The following SLC2A9 variants were observed in gnomAD, a reference collection of about 807,000 sequenced individuals.
SLC2A9 encodes the protein solute carrier family 2 member 9.
Under a neutral mutation model 50.6 loss-of-function variants are expected in SLC2A9, and 39 were observed. That is an observed-to-expected ratio of 0.77 (90% CI 0.60 to 1.01). The LOEUF (loss-of-function observed/expected upper bound fraction) is 1.01, where lower values mean the gene tolerates loss of function less well. Ranked by LOEUF, SLC2A9 falls within the 50% of genes least tolerant of loss-of-function variation. The probability of loss-of-function intolerance (pLI) is 0.00; values close to 1 mark genes in which losing one functional copy is unlikely to be tolerated. For missense variants in SLC2A9, 686 were observed against 677.6 expected, an observed-to-expected ratio of 1.01 and a Z score of -0.14; for synonymous variants, 324 against 276.9, an observed-to-expected ratio of 1.17 and a Z score of -1.69.
intron 6 of SLC2A9, among the ~76,000 whole-genome samples, chr4:9,938,760 A>G (rs1001714422): frequency 2.0e-5 from 3 of 152,216 alleles, no homozygotes; most frequent in African/African-American, 7.2e-5. Context: ...CTGAGTGGTC[A>G]TTTCCTTGTC....
intron 10 of SLC2A9, among the ~76,000 whole-genome samples, chr4:9,852,180 G>A (rs1278001850): frequency 6.6e-6 from 1 of 151,932 alleles, no homozygotes; most frequent in Non-Finnish European, 1.5e-5. Flanking sequence ...ACCCCGTCAG[G>A]CTAACAGTGG....
Position 9,785,362 on chromosome 4 carries a change from T to C in SLC2A9, n.386-5297A>G, listed in dbSNP as rs1161184983. ...TCTCGATAGGACTTCTTAGAGCTTCTCCTGTGCATGATGCATCCTCCAGTG... is the reference window on the plus strand; with the variant it reads ...TCTCGATAGGACTTCTTAGAGCTTCCCCTGTGCATGATGCATCCTCCAGTG... On this transcript the variant is annotated intron_variant and non_coding_transcript_variant, in intron 3 of 3. Coordinates refer to the SLC2A9 transcript ENST00000503803. Among the ~76,000 whole-genome samples the C allele has an allele frequency of 4.6e-5, 7 of 152,238 alleles. No homozygotes were observed. In the South Asian group the frequency reaches 8.3e-4, roughly 18 times the overall value.
chr4:10,017,644 C>A (rs1007686735), intron 2 of SLC2A9, among the ~76,000 whole-genome samples: 1 of 152,234 alleles, frequency 6.6e-6, no homozygotes, highest in Non-Finnish European at 1.5e-5. Context: ...CCAGGCTTCC[C>A]CTATGTTTTG....
intron 8 of SLC2A9, among the ~76,000 whole-genome samples, chr4:9,894,183 C>A (rs1738082092): frequency 6.6e-6 from 1 of 152,234 alleles, no homozygotes; most frequent in East Asian, 1.9e-4. Context: ...TAGAAATAAT[C>A]TAGAAATCCA....
At chr4:10,032,034 T>G (rs1174498304) in intron 1 of SLC2A9, among the ~76,000 whole-genome samples, 1 of 152,226 alleles carries the variant, frequency 6.6e-6, no homozygotes, top group Non-Finnish European at 1.5e-5. Context: ...TGGTGTATAT[T>G]GAGCACCTAC....
intron 11 of SLC2A9, among the ~76,000 whole-genome samples, chr4:9,833,680 A>C (rs1726549904): frequency 6.6e-6 from 1 of 152,198 alleles, no homozygotes; most frequent in African/African-American, 2.4e-5. Context: ...TGGCAGCAGA[A>C]TCTCTGGGAT....
intron 3 of SLC2A9, among the ~76,000 whole-genome samples, chr4:9,789,552 A>G (rs1223227132): frequency 6.6e-6 from 1 of 152,244 alleles, no homozygotes; most frequent in Non-Finnish European, 1.5e-5. Context: ...AGGAAGAAAT[A>G]GGACAAGATG....
chr4:9,866,449 T>G (rs938551), intron 10 of SLC2A9, among the ~76,000 whole-genome samples: 11 of 151,404 alleles, frequency 7.3e-5, no homozygotes, highest in Non-Finnish European at 1.6e-4. Flanking sequence ...CCAAGCTCTG[T>G]GGCCATGGAG....
intron 10 of SLC2A9, chr4:9,879,198 C>T (rs1378684994): frequency 3.0e-6 from 3 of 985,082 alleles, no homozygotes; most frequent in Non-Finnish European, 3.6e-6. Flanking sequence ...ATCTAGGGGG[C>T]TGTGGGAGCC....
At chr4:9,913,330 T>TGAGAGAGAGA (rs968021703) in intron 7 of SLC2A9, among the ~76,000 whole-genome samples, 1 of 88,728 alleles carries the variant, frequency 1.1e-5, no homozygotes, top group Admixed American at 1.2e-4. Flanking sequence ...TGTGTGTGTG[T>TGAGAGAGAGA]GAGAGAGAGA....
chr4:9,890,570 A>G (rs1167921850), intron 9 of SLC2A9, 40 bp downstream of exon 9: 2 of 1,591,248 alleles, frequency 1.3e-6, no homozygotes, highest in Non-Finnish European at 1.7e-6. Flanking sequence ...AGTCAGCTCC[A>G]TGCTTATCTC....
At chr4:9,977,449 C>G (rs1298837538) in intron 5 of SLC2A9, among the ~76,000 whole-genome samples, 1 of 152,024 alleles carries the variant, frequency 6.6e-6, no homozygotes, top group Non-Finnish European at 1.5e-5. Context: ...TCCTGGGAAC[C>G]TCTCACCTTG....
At chr4:9,967,651 C>T (rs1240337067) in intron 5 of SLC2A9, among the ~76,000 whole-genome samples, 3 of 150,964 alleles carry the variant, frequency 2.0e-5, no homozygotes, top group Admixed American at 6.6e-5. Context: ...AAAATATAAA[C>T]AAAAAGAATC....
chr4:9,985,439 G>A (rs2109142503), intron 4 of SLC2A9, among the ~76,000 whole-genome samples: 1 of 152,306 alleles, frequency 6.6e-6, no homozygotes, highest in South Asian at 2.1e-4. Flanking sequence ...CTTTGGGGTA[G>A]ACTGCGGACC....
At chr4:9,933,080 G>C (rs1746434820) in intron 6 of SLC2A9, among the ~76,000 whole-genome samples, 1 of 152,184 alleles carries the variant, frequency 6.6e-6, no homozygotes, top group South Asian at 2.1e-4. Flanking sequence ...TAAGAGATGG[G>C]ATCAGTTCTT....
intron 10 of SLC2A9, among the ~76,000 whole-genome samples, chr4:9,875,866 C>T (rs1157918745): frequency 2.0e-5 from 3 of 152,190 alleles, no homozygotes; most frequent in African/African-American, 7.2e-5. Flanking sequence ...ATTGACTTAA[C>T]CTCCATTGGC....
chr4:9,809,452 C>G lies in SLC2A9; in HGVS notation n.421-10211G>C, dbSNP rs764265924. 2.6e-5 allele frequency among the ~76,000 whole-genome samples: 4 copies of G among 152,146 alleles called. No individual in the cohort carries two copies. In the East Asian group the frequency reaches 7.7e-4, roughly 29 times the overall value. Reference sequence around the variant, plus strand: ...CAGAAATACTCTGTGGACCACAGGGCGCCTGACTCTAGTCTCTTGTGTGTA... The same window carrying G: ...CAGAAATACTCTGTGGACCACAGGGGGCCTGACTCTAGTCTCTTGTGTGTA... On this transcript the variant is annotated intron_variant and non_coding_transcript_variant, in intron 3 of 3. Transcript: ENST00000503280.
chr4:9,914,005 A>G (rs1273765645), intron 7 of SLC2A9, among the ~76,000 whole-genome samples: 1 of 152,206 alleles, frequency 6.6e-6, no homozygotes, highest in South Asian at 2.1e-4. Context: ...TTCCCAGCAC[A>G]GCCCAGTGAG....
At chr4:9,917,325 CTTT>C (rs55927201) in intron 7 of SLC2A9, among the ~76,000 whole-genome samples, 3,309 of 81,466 alleles carry the variant, frequency 0.041, 39 homozygotes, top group African/African-American at 0.16. Context: ...TTCTTTTTTC[CTTT>C]TTTTTTTTTT....
Sources: gnomAD v4.1 joint callset for allele counts (sites outside exome capture counted in the v4.1 genomes callset) on GRCh38, gnomAD v4.1.1 for gene constraint, MANE v1.5 for transcripts, NCBI Gene and HGNC (gene_info 2026-07-23, HGNC 2026-07-21) for gene names.